Variants in RHBDD1 observed in about 807,000 individuals in gnomAD.
RHBDD1 encodes rhomboid-related protein 4.
A neutral mutation model predicts 36.3 loss-of-function variants in RHBDD1; 38 were observed. That is an observed-to-expected ratio of 1.05 (90% CI 0.81 to 1.37). RHBDD1 has a LOEUF of 1.37. RHBDD1 is among the 40% of genes most tolerant of loss of function. The pLI is 0.00. For synonymous variants in RHBDD1, 151 were observed against 136.5 expected, an observed-to-expected ratio of 1.11 and a Z score of -0.74; for missense variants, 393 against 377.6, an observed-to-expected ratio of 1.04 and a Z score of -0.34.
At chr2:226,822,056 T>C in the RHBDD1 span, among the ~76,000 whole-genome samples, 1 of 152,134 alleles carries the variant, frequency 6.6e-6, no homozygotes, top group Non-Finnish European at 1.5e-5. Context: ...CCTGTGAACT[T>C]CCCAATTTTC....
chr2:226,948,960 A>G (rs189548030), intron 8 of RHBDD1, among the ~76,000 whole-genome samples: 21 of 152,352 alleles, frequency 1.4e-4, no homozygotes, highest in Middle Eastern at 3.4e-3. Flanking sequence ...ACAAAAATCA[A>G]TGTGCAAAAA....
chr2:226,882,084 G>C (rs1315263895), intron 5 of RHBDD1, among the ~76,000 whole-genome samples: 2 of 152,174 alleles, frequency 1.3e-5, no homozygotes, highest in Non-Finnish European at 2.9e-5. Flanking sequence ...AATGGATACA[G>C]ATTTATCATA....
intron 3 of RHBDD1, among the ~76,000 whole-genome samples, chr2:226,861,198 A>G (rs1368300739): frequency 2.0e-5 from 3 of 152,212 alleles, no homozygotes; most frequent in African/African-American, 4.8e-5. Context: ...CCTGATAAAA[A>G]GAATTACAAA....
At chr2:226,803,416 A>T in the RHBDD1 span, among the ~76,000 whole-genome samples, 1 of 152,276 alleles carries the variant, frequency 6.6e-6, no homozygotes, top group South Asian at 2.1e-4. Flanking sequence ...TTTACAGAAG[A>T]GAGGAGCCTT....
intron 8 of RHBDD1, among the ~76,000 whole-genome samples, chr2:226,915,505 C>T (rs997761653): frequency 3.3e-5 from 5 of 152,086 alleles, no homozygotes; most frequent in African/African-American, 1.2e-4. Context: ...CTGATGTGGT[C>T]AGAGCTCTGT....
chr2:226,824,264 T>G, the RHBDD1 span, among the ~76,000 whole-genome samples: 2 of 152,168 alleles, frequency 1.3e-5, no homozygotes, highest in Non-Finnish European at 2.9e-5. Context: ...TTGCAACTTT[T>G]CTATACATCT....
the RHBDD1 span, among the ~76,000 whole-genome samples, chr2:226,803,525 G>A: frequency 6.6e-6 from 1 of 152,132 alleles, no homozygotes; most frequent in Non-Finnish European, 1.5e-5. Flanking sequence ...CACTAGGCTG[G>A]ACACTGAGGA....
At chr2:226,955,672 T>G (rs1951741725) in intron 8 of RHBDD1, among the ~76,000 whole-genome samples, 1 of 152,222 alleles carries the variant, frequency 6.6e-6, no homozygotes. Context: ...CCAGCAGGCT[T>G]GGTTTCTCCT....
At chr2:226,902,889 A>G (rs187203021) in intron 5 of RHBDD1, among the ~76,000 whole-genome samples, 1 of 152,202 alleles carries the variant, frequency 6.6e-6, no homozygotes, top group Non-Finnish European at 1.5e-5. Flanking sequence ...AATTCATTTC[A>G]CTGTATTGTA....
chr2:226,865,008 CTA>C lies in RHBDD1; in HGVS notation c.317_318del (p.Tyr106CysfsTer26). 1 of 1,614,210 alleles carries C rather than the reference CTA, an allele frequency of 6.2e-7. No homozygotes were observed. Among genetic ancestry groups the C allele is most frequent in the Non-Finnish European group, 8.5e-7 (1 of 1,180,020 alleles). On this transcript the variant is annotated frameshift_variant, in exon 4 of 9. Transcript: ENST00000392062. LOFTEE classifies it high-confidence loss of function. ...ERRLGSRWFA[Y>X]VITAFSVLTG... Reference sequence around the variant, plus strand: ...GAAGACTGGGAAGTAGATGGTTTGCCTATGTTATCACCGCATTTTCTGTACTT... The same window carrying C: ...GAAGACTGGGAAGTAGATGGTTTGCCTGTTATCACCGCATTTTCTGTACTT...
intron 8 of RHBDD1, among the ~76,000 whole-genome samples, chr2:226,947,898 A>G (rs2149199099): frequency 6.6e-6 from 1 of 152,366 alleles, no homozygotes; most frequent in South Asian, 2.1e-4. Flanking sequence ...AATGGCAATC[A>G]TTACAAAGTC....
At position 226,902,381 on chromosome 2, in the gene RHBDD1, C is replaced by T. The variant is rs537024641; in HGVS notation, c.567-4412C>T. 4.6e-5 allele frequency among the ~76,000 whole-genome samples: 7 copies of T among 152,314 alleles called. No homozygotes were observed. The South Asian group carries it at 1.4e-3, about 32-fold the overall frequency. ...TTCTGTCTCCACAGCACCCCCAGCT[C>T]AGGGGTAAAGTGCCCTAACCCTAGG... On this transcript the variant is annotated intron_variant, in intron 5 of 8. Coordinates refer to ENST00000392062, the MANE Select transcript of RHBDD1 (RefSeq NM_001167608.3).
chr2:226,945,932 G>C (rs182065527), intron 8 of RHBDD1, among the ~76,000 whole-genome samples: 9 of 151,826 alleles, frequency 5.9e-5, no homozygotes, highest in African/African-American at 1.7e-4. Flanking sequence ...TCCTATGTTT[G>C]TTGGCCACAT....
intron 8 of RHBDD1, among the ~76,000 whole-genome samples, chr2:226,973,806 C>G (rs909228928): frequency 6.6e-6 from 1 of 152,222 alleles, no homozygotes; most frequent in Admixed American, 6.5e-5. Context: ...ATCTTTCTTG[C>G]AGCATTCCTG....
Position 226,908,816 on chromosome 2 carries a change from G to C in RHBDD1, c.656-6G>C, listed in dbSNP as rs374908840. 1.9e-6 allele frequency: 3 copies of C among 1,598,120 alleles called. No individual in the cohort carries two copies. Among genetic ancestry groups the C allele is most frequent in the African/African-American group, 2.7e-5 (2 of 74,484 alleles). ...CCATTAAAATGTTTATTTCTTTTAC[G>C]TTTAGGCGGTTTTTCCTCCAGTGTT... On this transcript the variant is annotated splice_region_variant and splice_polypyrimidine_tract_variant and intron_variant, in intron 6 of 8. Coordinates refer to ENST00000392062, the MANE Select transcript of RHBDD1 (RefSeq NM_001167608.3).
At chr2:226,953,243 T>C (rs1392212144) in intron 8 of RHBDD1, among the ~76,000 whole-genome samples, 1 of 152,120 alleles carries the variant, frequency 6.6e-6, no homozygotes, top group African/African-American at 2.4e-5. Flanking sequence ...TCTTTAGTGG[T>C]TAGGAAAGTT....
intron 8 of RHBDD1, among the ~76,000 whole-genome samples, chr2:226,991,947 A>G (rs1958315448): frequency 6.6e-6 from 1 of 152,148 alleles, no homozygotes; most frequent in Non-Finnish European, 1.5e-5. Flanking sequence ...CTAATTCCCT[A>G]CTAATACTTT....
chr2:226,980,808 A>G (rs974951188), intron 8 of RHBDD1, among the ~76,000 whole-genome samples: 1 of 151,846 alleles, frequency 6.6e-6, no homozygotes, highest in African/African-American at 2.4e-5. Context: ...TTGATGTTTA[A>G]AAAATTTAGT....
At chr2:226,946,777 C>G (rs974050321) in intron 8 of RHBDD1, among the ~76,000 whole-genome samples, 2 of 152,128 alleles carry the variant, frequency 1.3e-5, no homozygotes, top group Non-Finnish European at 2.9e-5. Context: ...AATATACCCT[C>G]CCAAGACTAA....
Sources: allele counts gnomAD v4.1 joint callset (sites outside exome capture counted in the v4.1 genomes callset), GRCh38; gene constraint gnomAD v4.1.1; transcripts MANE v1.5; gene names NCBI Gene and HGNC (gene_info 2026-07-23, HGNC 2026-07-21).